Variants in ARHGAP15 observed in about 807,000 individuals in gnomAD.
ARHGAP15 encodes rho GTPase-activating protein 15.
ARHGAP15 carries 51 observed loss-of-function variants against 63.7 expected under a neutral mutation model. The ratio of observed to expected loss-of-function variants is 0.80; its 90% CI spans 0.64 to 1.01. ARHGAP15 has a LOEUF of 1.01. Among genes scored for constraint, ARHGAP15 ranks in the 50% least tolerant of loss-of-function variants. The pLI is 0.00. For synonymous variants in ARHGAP15, 191 were observed against 193.8 expected, an observed-to-expected ratio of 0.99 and a Z score of 0.12; for missense variants, 560 against 564.6, an observed-to-expected ratio of 0.99 and a Z score of 0.08.
At chr2:143,448,544 GAAGA>G (rs1009283621) in intron 8 of ARHGAP15, among the ~76,000 whole-genome samples, 4 of 152,014 alleles carry the variant, frequency 2.6e-5, no homozygotes, top group African/African-American at 7.2e-5. Context: ...AATAGGTGAA[GAAGA>G]AAGATTCCAG....
intron 6 of ARHGAP15, among the ~76,000 whole-genome samples, chr2:143,372,193 AT>A (rs1215783383): frequency 6.6e-6 from 1 of 151,556 alleles, no homozygotes; most frequent in African/African-American, 2.4e-5. Flanking sequence ...AGAGAAAAAA[AT>A]AGCCAGGCAT....
Position 143,678,562 on chromosome 2 carries a change from A to G in ARHGAP15, c.1139-24857A>G, listed in dbSNP as rs191284529. On this transcript the variant is annotated intron_variant, in intron 12 of 13. Coordinates refer to ENST00000295095, the MANE Select transcript of ARHGAP15 (RefSeq NM_018460.4). ...TGGTTTCTAATTTCATCTCTGCCCAAAACTACATAGGTGTCCTGGTCAATT... is the reference window on the plus strand; with the variant it reads ...TGGTTTCTAATTTCATCTCTGCCCAGAACTACATAGGTGTCCTGGTCAATT... Among the ~76,000 whole-genome samples the G allele has an allele frequency of 1.0e-3, 154 of 152,306 alleles. 3 individuals are homozygous for G. The East Asian group carries it at 0.025, about 25-fold the overall frequency.
intron 11 of ARHGAP15, among the ~76,000 whole-genome samples, chr2:143,616,527 C>T (rs895376669): frequency 6.6e-6 from 1 of 152,150 alleles, no homozygotes; most frequent in African/African-American, 2.4e-5. Flanking sequence ...CGAAAGCAAG[C>T]TAACGTGGCG....
At chr2:143,237,110 C>T (rs1303569037) in intron 5 of ARHGAP15, 3 of 152,024 alleles carry the variant, frequency 2.0e-5, no homozygotes, top group Non-Finnish European at 4.4e-5. Flanking sequence ...ATGAAATATT[C>T]TCAAATTAAG....
chr2:143,197,766 A>G lies in ARHGAP15; in HGVS notation c.166-4368A>G, dbSNP rs1197170465. On this transcript the variant is annotated intron_variant, in intron 2 of 13. Transcript: ENST00000295095. ...TTGAAAATGATAGATTGGCTAGTTT[A>G]TTGATTTAGGAATGATCAGCAATAT... is the stretch of plus-strand genomic sequence containing the variant. Among the ~76,000 whole-genome samples the G allele has an allele frequency of 3.3e-5, 5 of 152,044 alleles. No individual in the cohort carries two copies. In the East Asian group the frequency reaches 9.6e-4, roughly 29 times the overall value.
intron 8 of ARHGAP15, among the ~76,000 whole-genome samples, chr2:143,467,960 A>T (rs1558991395): frequency 6.6e-6 from 1 of 152,074 alleles, no homozygotes; most frequent in Non-Finnish European, 1.5e-5. Flanking sequence ...TATTGTTGTA[A>T]ATACCTATTT....
At chr2:143,240,855 G>A (rs914124013) in intron 5 of ARHGAP15, among the ~76,000 whole-genome samples, 2 of 152,098 alleles carry the variant, frequency 1.3e-5, no homozygotes, top group Non-Finnish European at 2.9e-5. Flanking sequence ...ATGTTCTCTG[G>A]TTATATTTTT....
At chr2:143,586,000 A>G (rs944380160) in intron 11 of ARHGAP15, among the ~76,000 whole-genome samples, 6 of 152,150 alleles carry the variant, frequency 3.9e-5, no homozygotes, top group African/African-American at 1.4e-4. Flanking sequence ...AATGTTTCAC[A>G]GTGTCTGCAA....
chr2:143,542,631 T>A (rs1695123803), intron 10 of ARHGAP15, among the ~76,000 whole-genome samples: 1 of 144,852 alleles, frequency 6.9e-6, no homozygotes, highest in East Asian at 2.0e-4. Flanking sequence ...CATATATATA[T>A]GATTTAAAAT....
At chr2:143,682,010 A>T (rs1286450721) in intron 12 of ARHGAP15, among the ~76,000 whole-genome samples, 1 of 152,194 alleles carries the variant, frequency 6.6e-6, no homozygotes, top group Non-Finnish European at 1.5e-5. Flanking sequence ...CCCATGTGAT[A>T]GGTATCTTCA....
chr2:143,661,878 G>A (rs1413041723), intron 12 of ARHGAP15, among the ~76,000 whole-genome samples: 6 of 152,302 alleles, frequency 3.9e-5, no homozygotes, highest in Middle Eastern at 6.8e-3. Flanking sequence ...AAAAAATGGC[G>A]CACCACGAGA....
At chr2:143,268,178 T>G (rs1279112508) in intron 6 of ARHGAP15, among the ~76,000 whole-genome samples, 3 of 151,728 alleles carry the variant, frequency 2.0e-5, no homozygotes, top group Admixed American at 2.0e-4. Flanking sequence ...GAGTGTAGTT[T>G]TTTTTTTTTT....
At chr2:143,325,505 A>G (rs1574277550) in intron 6 of ARHGAP15, among the ~76,000 whole-genome samples, 2 of 152,146 alleles carry the variant, frequency 1.3e-5, no homozygotes, top group Non-Finnish European at 2.9e-5. Context: ...AAATATTCCC[A>G]GAGTCCTCCC....
intron 6 of ARHGAP15, among the ~76,000 whole-genome samples, chr2:143,269,982 GT>G (rs1315011014): frequency 2.0e-5 from 3 of 151,390 alleles, no homozygotes; most frequent in Non-Finnish European, 4.4e-5. Flanking sequence ...ACTTTTTTTT[GT>G]TTTTTAAAAA....
chr2:143,413,843 A>G (rs1294918137), intron 6 of ARHGAP15, among the ~76,000 whole-genome samples: 1 of 151,946 alleles, frequency 6.6e-6, no homozygotes, highest in Non-Finnish European at 1.5e-5. Context: ...TCATCTGTCC[A>G]GGATTCCATT....
At chr2:143,676,189 T>A (rs1256203264) in intron 12 of ARHGAP15, 1 of 152,874 alleles carries the variant, frequency 6.5e-6, no homozygotes, top group Non-Finnish European at 1.5e-5. Context: ...AGAGTTAGGG[T>A]CCTGCTATGG....
intron 6 of ARHGAP15, among the ~76,000 whole-genome samples, chr2:143,301,400 A>C (rs1368046080): frequency 6.6e-6 from 1 of 151,888 alleles, no homozygotes; most frequent in Non-Finnish European, 1.5e-5. Context: ...TCAATTTATC[A>C]TTTTCTTAAA....
At chr2:143,557,167 T>C (rs1228839323) in intron 11 of ARHGAP15, among the ~76,000 whole-genome samples, 1 of 152,138 alleles carries the variant, frequency 6.6e-6, no homozygotes, top group African/African-American at 2.4e-5. Flanking sequence ...TAAAAACTCA[T>C]GTACACACAA....
At chr2:143,533,249 G>A (rs1694598363) in intron 10 of ARHGAP15, 1 of 152,184 alleles carries the variant, frequency 6.6e-6, no homozygotes, top group Admixed American at 6.5e-5. Context: ...ACAAATGTTG[G>A]CAGGTAACAT....
Sources: allele counts gnomAD v4.1 joint callset (sites outside exome capture counted in the v4.1 genomes callset), GRCh38; gene constraint gnomAD v4.1.1; transcripts MANE v1.5; gene names NCBI Gene and HGNC (gene_info 2026-07-23, HGNC 2026-07-21).